Variants in CHMP7 observed in about 807,000 individuals in gnomAD.
The protein encoded by CHMP7 is charged multivesicular body protein 7.
In CHMP7, 15 loss-of-function variants were observed where a neutral mutation model predicts 53.7. The observed-to-expected ratio is 0.28, with a 90% CI of 0.19 to 0.43. The LOEUF (loss-of-function observed/expected upper bound fraction) is 0.43, where lower values mean the gene tolerates loss of function less well. Ranked by LOEUF, CHMP7 falls within the 20% of genes least tolerant of loss-of-function variation. The pLI, the probability that CHMP7 is intolerant of heterozygous loss-of-function variation, is 1.00. For missense variants in CHMP7, 527 were observed against 569.4 expected, an observed-to-expected ratio of 0.93 and a Z score of 0.76; for synonymous variants, 261 against 228.0, an observed-to-expected ratio of 1.14 and a Z score of -1.30.
Position 23,246,539 on chromosome 8 carries a change from GCGC to G in CHMP7, c.-155_-153del. On this transcript the variant is annotated 5_prime_UTR_variant, in exon 2 of 11. Transcript: ENST00000397677. ...GCTGACGGAGCGCAGCGCAACGCAT[GCGC>G]CTTGAAGACTTATGGAACTTATTTC... is the stretch of plus-strand genomic sequence containing the variant. 2 of 638,284 alleles carry G rather than the reference GCGC, an allele frequency of 3.1e-6. No individual in the cohort carries two copies. Among genetic ancestry groups the G allele is most frequent in the Non-Finnish European group, 5.4e-6 (2 of 372,068 alleles). 39.5% of individuals were successfully genotyped at this position (638,284 alleles called of 1,614,324 possible). A position where few individuals can be genotyped will look rare whatever the true frequency, so the allele number is the denominator to read the frequency against.
chr8:23,254,432 T>A (rs752238639), intron 3 of CHMP7, among the ~76,000 whole-genome samples: 1 of 152,236 alleles, frequency 6.6e-6, no homozygotes, highest in African/African-American at 2.4e-5. Flanking sequence ...TTTGCTCTTG[T>A]CGCCCAGGCT....
At position 23,260,342 on chromosome 8, in the gene CHMP7, A is replaced by C. The variant is rs1751844121; in HGVS notation, c.1300+19A>C. On this transcript the variant is annotated intron_variant, in intron 10 of 10. Coordinates refer to ENST00000397677, the MANE Select transcript of CHMP7 (RefSeq NM_152272.5). ...GAGGGAGGTATGGAGCTGTTTTCCA[A>C]GGCCTTTGGAGGGCATATGGCCTTC... 6.2e-7 allele frequency: 1 copy of C among 1,613,380 alleles called. No homozygotes were observed. Among genetic ancestry groups the C allele is most frequent in the Non-Finnish European group, 8.5e-7 (1 of 1,179,378 alleles).
intron 1 of CHMP7, among the ~76,000 whole-genome samples, chr8:23,245,914 A>G (rs924980514): frequency 1.7e-4 from 26 of 152,242 alleles, no homozygotes; most frequent in Admixed American, 1.2e-3. Context: ...AGTTATTCAT[A>G]GTATTCCTTT....
intron 3 of CHMP7, among the ~76,000 whole-genome samples, chr8:23,252,730 T>C (rs1032444120): frequency 3.9e-5 from 6 of 152,244 alleles, no homozygotes; most frequent in African/African-American, 1.2e-4. Context: ...GCTTAACTTA[T>C]TACTTTGTAC....
At chr8:23,250,357 C>T (rs1585306272) in intron 3 of CHMP7, among the ~76,000 whole-genome samples, 1 of 152,148 alleles carries the variant, frequency 6.6e-6, no homozygotes, top group Non-Finnish European at 1.5e-5. Context: ...TACCCTGCCC[C>T]TCTTGTCCCT....
intron 3 of CHMP7, 106 bp from the exon 4 acceptor site, chr8:23,255,141 C>T (rs1199584539): frequency 2.6e-6 from 3 of 1,145,520 alleles, no homozygotes; most frequent in South Asian, 1.3e-5. Context: ...GGTTGGGATT[C>T]CCGGGTGCTT....
Position 23,247,059 on chromosome 8 carries a change from C to T in CHMP7, c.299+65C>T, listed in dbSNP as rs1489112856. 13 of 1,424,094 alleles carry T rather than the reference C, an allele frequency of 9.1e-6. No individual in the cohort carries two copies. The East Asian group carries it at 3.0e-4, about 33-fold the overall frequency. 88.2% of individuals were successfully genotyped at this position (1,424,094 alleles called of 1,614,324 possible). A position where few individuals can be genotyped will look rare whatever the true frequency, so the allele number is the denominator to read the frequency against. ...GGGGCAGCTCTCGGAGGGCCGGGCC[C>T]TGGTCCTGTTCTCTGCACAGCGCAC... On this transcript the variant is annotated intron_variant, in intron 2 of 10. Coordinates refer to ENST00000397677, the MANE Select transcript of CHMP7 (RefSeq NM_152272.5).
chr8:23,257,321 C>A (rs1025404825), intron 5 of CHMP7, among the ~76,000 whole-genome samples: 3 of 152,010 alleles, frequency 2.0e-5, no homozygotes, highest in African/African-American at 7.3e-5. Context: ...GTCTCACACT[C>A]CTCGGCGCAA....
chr8:23,249,497 T>A, intron 3 of CHMP7, 116 bp downstream of exon 3: 1 of 758,280 alleles, frequency 1.3e-6, no homozygotes. Context: ...GCTACTGAGT[T>A]GATAACTGAG....
At chr8:23,250,114 C>T (rs763290786) in intron 3 of CHMP7, among the ~76,000 whole-genome samples, 4 of 152,182 alleles carry the variant, frequency 2.6e-5, no homozygotes, top group Admixed American at 2.0e-4. Context: ...TGTGGGAGGC[C>T]CTCGGAGCCA....
intron 2 of CHMP7, 28 bp downstream of exon 2, chr8:23,247,022 C>T: frequency 6.8e-7 from 1 of 1,465,930 alleles, no homozygotes; most frequent in East Asian, 2.5e-5. Flanking sequence ...GCCAGGGCCG[C>T]GAGGGCGGGC....
chr8:23,249,902 T>C (rs1165583522), intron 3 of CHMP7, among the ~76,000 whole-genome samples: 1 of 152,184 alleles, frequency 6.6e-6, no homozygotes, highest in Non-Finnish European at 1.5e-5. Flanking sequence ...CCTCCCGGCC[T>C]GCCTTTCCCA....
At chr8:23,258,584 CAGG>C in intron 7 of CHMP7, 135 bp downstream of exon 7, 1 of 1,360,728 alleles carries the variant, frequency 7.3e-7, no homozygotes, top group Non-Finnish European at 1.0e-6. Flanking sequence ...CCTTTCCAGT[CAGG>C]AGGTTTGGCC....
rs1019544744 is a variant in CHMP7 at position 23,250,449 on chromosome 8, G to A, written c.471+1068G>A. ...ACCCAAACCCACTCAATGCTTTTCC[G>A]AACACCGATTGTCTCTTTTGTGGTA... is the stretch of plus-strand genomic sequence containing the variant. On this transcript the variant is annotated intron_variant, in intron 3 of 10. Coordinates refer to ENST00000397677, the MANE Select transcript of CHMP7 (RefSeq NM_152272.5). Among the ~76,000 whole-genome samples, 20 of 151,956 alleles carry A rather than the reference G, an allele frequency of 1.3e-4. 1 individual carries two copies. The highest frequency in any genetic ancestry group is 4.8e-4 in the African/African-American group (20 of 41,346).
At position 23,260,203 on chromosome 8, in the gene CHMP7, G is replaced by A. The variant is rs1378861751; in HGVS notation, c.1180G>A (p.Glu394Lys). The change falls in exon 10 of 11, where the codon GAA becomes AAA. Residue 394 changes from glutamate to lysine, a missense_variant. By Grantham distance (56) the Glu-to-Lys change is moderately conservative. Coordinates refer to ENST00000397677, the MANE Select transcript of CHMP7 (RefSeq NM_152272.5). The part of the protein sequence containing the change: ...LDILLQDTTK[E>K]PLDLPDNPRN... ...CATCCTCCTTCAGGATACCACCAAA[G>A]AACCTTTGGATCTGCCTGACAACCC... 6.2e-7 allele frequency: 1 copy of A among 1,614,052 alleles called. No individual in the cohort carries two copies. The highest frequency in any genetic ancestry group is 1.3e-5 in the African/African-American group (1 of 74,936).
At chr8:23,256,907 G>C (rs989229417) in intron 5 of CHMP7, among the ~76,000 whole-genome samples, 10 of 148,238 alleles carry the variant, frequency 6.7e-5, no homozygotes, top group East Asian at 4.0e-4. Context: ...ATTTTCCTGC[G>C]CCAGCCTCCC....
Position 23,253,429 on chromosome 8 carries a change from G to A in CHMP7, c.472-1818G>A, listed in dbSNP as rs147170753. On this transcript the variant is annotated intron_variant, in intron 3 of 10. Coordinates refer to ENST00000397677, the MANE Select transcript of CHMP7 (RefSeq NM_152272.5). ...CTCTCAAGTAGCTGGGATCACAGGC[G>A]CTGCCACCATGGCCAGCTAATTTTT... Among the ~76,000 whole-genome samples the A allele has an allele frequency of 2.1e-3, 317 of 152,242 alleles. 2 individuals are homozygous for A. Among genetic ancestry groups the A allele is most frequent in the African/African-American group, 7.3e-3 (304 of 41,538 alleles).
intron 1 of CHMP7, 38 bp from the exon 2 acceptor site, chr8:23,246,218 G>C (rs1801676141): frequency 1.3e-5 from 2 of 153,650 alleles, no homozygotes; most frequent in African/African-American, 4.8e-5. Flanking sequence ...TTCTTTTCTG[G>C]TTTGTGCATT....
chr8:23,247,340 G>A (rs12678664), intron 2 of CHMP7, among the ~76,000 whole-genome samples: 14,079 of 152,214 alleles, frequency 0.092, 1,000 homozygotes, highest in East Asian at 0.39. Context: ...AATGGCCCGT[G>A]GAGCAGAAGG....
Sources: gnomAD v4.1 joint callset for allele counts (sites outside exome capture counted in the v4.1 genomes callset) on GRCh38, gnomAD v4.1.1 for gene constraint, MANE v1.5 for transcripts, NCBI Gene and HGNC (gene_info 2026-07-23, HGNC 2026-07-21) for gene names.